The following PMS2 variants were observed in gnomAD, a reference collection of about 807,000 sequenced individuals.
The protein encoded by PMS2 is PMS1 homolog 2, mismatch repair system component, also known as mismatch repair endonuclease PMS2.
In PMS2, 69 loss-of-function variants were observed where a neutral mutation model predicts 90.0. The ratio of observed to expected loss-of-function variants is 0.77; its 90% CI spans 0.63 to 0.94. The LOEUF is 0.94. Among genes scored for constraint, PMS2 ranks in the 40% least tolerant of loss-of-function variants. PMS2 has a pLI of 0.00. For missense variants in PMS2, 966 were observed against 1,040.2 expected, an observed-to-expected ratio of 0.93 and a Z score of 0.98; for synonymous variants, 332 against 375.1, an observed-to-expected ratio of 0.89 and a Z score of 1.33.
chr7:5,991,613 G>A (rs1359207736), intron 9 of PMS2, among the ~76,000 whole-genome samples: 3 of 151,850 alleles, frequency 2.0e-5, no homozygotes, highest in African/African-American at 7.3e-5. Context: ...GCCAAGACGG[G>A]CAGATCACGA....
At chr7:6,006,865 T>C (rs1423133879) in intron 1 of PMS2, among the ~76,000 whole-genome samples, 2 of 152,164 alleles carry the variant, frequency 1.3e-5, no homozygotes, top group Non-Finnish European at 2.9e-5. Flanking sequence ...TTAAGAGTTT[T>C]ATAAAGGTTT....
At chr7:5,999,035 C>A (rs2128798059) in intron 6 of PMS2, 73 bp downstream of exon 6, 3 of 1,375,262 alleles carry the variant, frequency 2.2e-6, no homozygotes, top group Non-Finnish European at 2.1e-6. Flanking sequence ...CTCCATTCTA[C>A]TGGAAGGGAC....
intron 7 of PMS2, among the ~76,000 whole-genome samples, chr7:5,996,621 A>G (rs1183292554): frequency 6.7e-6 from 1 of 148,180 alleles, no homozygotes; most frequent in Admixed American, 6.8e-5. Flanking sequence ...ATACACACAG[A>G]TAGATAGATA....
Position 5,988,181 on chromosome 7 carries a change from T to C in PMS2, c.1145-561A>G, listed in dbSNP as rs566647200. ...GGATCAAGAGGAATGCCTGAATACC[T>C]CTGGTAGGAATGAACCTGGTACAGC... On this transcript the variant is annotated intron_variant, in intron 10 of 14. Coordinates refer to ENST00000265849, the MANE Select transcript of PMS2 (RefSeq NM_000535.7). Among the ~76,000 whole-genome samples the C allele has an allele frequency of 2.0e-5, 3 of 150,876 alleles. No homozygotes were observed. In the East Asian group the frequency reaches 5.9e-4, roughly 30 times the overall value.
chr7:5,996,988 G>A (rs1169225380), intron 7 of PMS2, among the ~76,000 whole-genome samples: 6 of 152,082 alleles, frequency 3.9e-5, no homozygotes, highest in Non-Finnish European at 7.4e-5. Flanking sequence ...ACCAAGGTGG[G>A]CGGATCATCT....
intron 2 of PMS2, 110 bp downstream of exon 2, chr7:6,005,782 A>C: frequency 1.9e-6 from 3 of 1,539,678 alleles, no homozygotes; most frequent in African/African-American, 2.7e-5. Flanking sequence ...TAAAAATAAT[A>C]ATTTATTACT....
chr7:5,992,173 G>GTT (rs373566669), intron 8 of PMS2, 116 bp from the exon 9 acceptor site: 1,094 of 538,544 alleles, frequency 2.0e-3, no homozygotes, highest in East Asian at 4.5e-3. Flanking sequence ...ATACTTTTTT[G>GTT]TTTTTTTTTT....
At chr7:6,008,733 CTGGG>C (rs1786190150) in intron 1 of PMS2, among the ~76,000 whole-genome samples, 2 of 152,020 alleles carry the variant, frequency 1.3e-5, no homozygotes, top group East Asian at 3.9e-4. Flanking sequence ...CAAGGCCTGT[CTGGG>C]ACAGGCCGAA....
intron 8 of PMS2, among the ~76,000 whole-genome samples, chr7:5,992,747 C>G (rs1783910168): frequency 6.6e-6 from 1 of 152,192 alleles, no homozygotes; most frequent in Non-Finnish European, 1.5e-5. Context: ...TCCCCACAAT[C>G]AAGATAATGA....
At chr7:5,983,947 T>C (rs6950933) in intron 11 of PMS2, among the ~76,000 whole-genome samples, 18,861 of 151,792 alleles carry the variant, frequency 0.12, 2,058 homozygotes, top group African/African-American at 0.26. Context: ...CCACCGCACC[T>C]GGCCTACTTC....
Position 5,973,512 on chromosome 7 carries a change from C to T in PMS2, c.2476G>A (p.Glu826Lys), listed in dbSNP as rs587782828. Residue 826 changes from glutamate to lysine, a missense_variant, in exon 15 of 15, where the codon GAG becomes AAG. By Grantham distance (56) the Glu-to-Lys change is moderately conservative (BLOSUM62 1). Around this residue, in one of 2 missense-constraint regions of PMS2, gnomAD observed 95 missense variants for 237.8 expected, o/e 0.40. Transcript: ENST00000265849. ...VMIGTALNTSEMKKLITHMGE... is the reference protein window; with the variant it reads ...VMIGTALNTSKMKKLITHMGE... ...ATGTGGGTGATCAGTTTCTTCATCT[C>T]GCTTGTGTTAAGAGCAGTCCCAATC... is the stretch of plus-strand genomic sequence containing the variant. 6 of 626,972 alleles carry T rather than the reference C, an allele frequency of 9.6e-6. 1 individual carries two copies. Among genetic ancestry groups the T allele is most frequent in the East Asian group, 6.5e-5 (2 of 30,562 alleles). The allele number at this position is 626,972 out of a possible 1,614,324, so 38.8% of individuals were successfully genotyped here.
rs12532895 is a variant in PMS2 at position 6,003,755 on chromosome 7, G to A, written c.288C>T (p.Ala96=). ...CAAAAGTTTCAACCTGAGTTAGGTC[G>A]GCAAACTCTTGAATCTTAGATGTGT... ...KHHTSKIQEF[A]DLTQVETFGF... Residue 96 remains alanine (A), a synonymous_variant, in exon 4 of 15, where the codon GCC becomes GCT. Coordinates refer to ENST00000265849, the MANE Select transcript of PMS2 (RefSeq NM_000535.7). 75,316 of 1,602,532 alleles carry A rather than the reference G, an allele frequency of 0.047. 5,115 individuals are homozygous for A. Among genetic ancestry groups the A allele is most frequent in the East Asian group, 0.35 (15,904 of 44,800 alleles).
chr7:5,988,940 C>T (rs985718614), intron 10 of PMS2, among the ~76,000 whole-genome samples: 6 of 152,112 alleles, frequency 3.9e-5, no homozygotes, highest in Non-Finnish European at 1.5e-5. Context: ...ACTGCAAGCC[C>T]CTCCTCCCGG....
rs2128774146 is a variant in PMS2, at chr7:5,995,524, T to A, written c.903+10A>T. On this transcript the variant is annotated intron_variant, in intron 8 of 14. Transcript: ENST00000265849. ...TAAAGAACAAACTAACACAAAAAAATTTTAAATACCTTTGCTGGGTCACAA... is the reference window on the plus strand; with the variant it reads ...TAAAGAACAAACTAACACAAAAAAAATTTAAATACCTTTGCTGGGTCACAA... 1.9e-6 allele frequency: 3 copies of A among 1,601,510 alleles called. No homozygotes were observed. The highest frequency in any genetic ancestry group is 2.6e-6 in the Non-Finnish European group (3 of 1,168,604).
Position 5,998,589 on chromosome 7 carries a change from G to T in PMS2, c.705+519C>A, listed in dbSNP as rs1406708235. ...TGTGCCTGTAATCCCAGCTACTCAG[G>T]AGGCTAAGGTAGGAGAATTGCTTCA... On this transcript the variant is annotated intron_variant, in intron 6 of 14. Coordinates refer to ENST00000265849, the MANE Select transcript of PMS2 (RefSeq NM_000535.7). Among the ~76,000 whole-genome samples, 8 of 151,264 alleles carry T rather than the reference G, an allele frequency of 5.3e-5. No individual in the cohort carries two copies. The East Asian group carries it at 1.6e-3, about 30-fold the overall frequency.
intron 5 of PMS2, 81 bp downstream of exon 5, chr7:6,002,372 T>C (rs1188920441): frequency 1.1e-6 from 1 of 908,100 alleles, no homozygotes; most frequent in Non-Finnish European, 1.8e-6. Flanking sequence ...GAGAATCAAC[T>C]GAAGAATAAA....
At chr7:5,988,063 A>C (rs1295604322) in intron 10 of PMS2, among the ~76,000 whole-genome samples, 4 of 150,422 alleles carry the variant, frequency 2.7e-5, no homozygotes, top group South Asian at 2.1e-4. Context: ...AAAAAAAAAA[A>C]AAAAAAAAAA....
chr7:6,002,691 A>G (rs1392435833), intron 4 of PMS2, 55 bp from the exon 5 acceptor site: 29 of 1,322,938 alleles, frequency 2.2e-5, no homozygotes, highest in Non-Finnish European at 3.2e-5. Context: ...GATGTTGGGC[A>G]CTGACTACTC....
At chr7:6,005,419 G>A (rs557805295) in intron 2 of PMS2, among the ~76,000 whole-genome samples, 63 of 152,206 alleles carry the variant, frequency 4.1e-4, no homozygotes, top group African/African-American at 1.4e-3. Flanking sequence ...TGGACAGGCT[G>A]GTCTCGAACT....
Sources: allele counts gnomAD v4.1 joint callset (sites outside exome capture counted in the v4.1 genomes callset), GRCh38; gene constraint gnomAD v4.1.1; regional missense constraint gnomAD v4.1.1; transcripts MANE v1.5; gene names NCBI Gene and HGNC (gene_info 2026-07-23, HGNC 2026-07-21).